The following DENND2C variants were observed in gnomAD, a reference collection of about 807,000 sequenced individuals.
DENND2C encodes DENN domain containing 2C.
Under a neutral mutation model 112.4 loss-of-function variants are expected in DENND2C, and 72 were observed. The observed-to-expected ratio is 0.64, with a 90% CI of 0.53 to 0.78. DENND2C has a LOEUF of 0.78. DENND2C is among the 30% of genes least tolerant of loss of function. The pLI, the probability that DENND2C is intolerant of heterozygous loss-of-function variation, is 0.00. For missense variants in DENND2C, 992 were observed against 1,113.8 expected (o/e 0.89, Z 1.56); for synonymous variants, 329 against 381.6 (o/e 0.86, Z 1.61).
rs376476409 is a variant in DENND2C, at chr1:114,656,143, C to T, written c.-573-1382G>A. Among the ~76,000 whole-genome samples, 36 of 151,900 alleles carry T rather than the reference C, an allele frequency of 2.4e-4. 1 individual carries two copies. The South Asian group carries it at 7.3e-3, about 31-fold the overall frequency. On this transcript the variant is annotated intron_variant, in intron 1 of 20. Coordinates refer to ENST00000393274, the MANE Select transcript of DENND2C (RefSeq NM_001256404.2). ...AGTGCAATGGTACAATCACGGCTCACTGCCAACTCAACCACCTGGGCTTAA... is the reference window on the plus strand; with the variant it reads ...AGTGCAATGGTACAATCACGGCTCATTGCCAACTCAACCACCTGGGCTTAA...
rs779039003 is a variant in DENND2C at position 114,604,941 on chromosome 1, G to A, written c.1648C>T (p.Pro550Ser). ...FCFPDSKDWMPTSELKSETFS... is the reference protein window; with the variant it reads ...FCFPDSKDWMSTSELKSETFS... ...ATTTACCTCTTGAGTTCTGAGGTTG[G>A]CATCCAGTCCTTTGAATCAGGAAAA... Residue 550 changes from proline to serine, a missense_variant, in exon 11 of 21, where the codon CCA becomes TCA. By Grantham distance (74) the Pro-to-Ser change is moderately conservative. Around this residue, in one of 3 missense-constraint regions of DENND2C, gnomAD observed 516 missense variants for 623.6 expected, o/e 0.83. Coordinates refer to ENST00000393274, the MANE Select transcript of DENND2C (RefSeq NM_001256404.2). The A allele has an allele frequency of 3.1e-6, 5 of 1,612,942 alleles. No individual in the cohort carries two copies. Among genetic ancestry groups the A allele is most frequent in the Non-Finnish European group, 4.2e-6 (5 of 1,179,396 alleles).
In DENND2C at chr1:114,625,344, C is replaced by T. The variant is rs372971179; in HGVS notation, c.641G>A (p.Arg214His). ...GPSINPLPKP[R>H]RTFRYLSESG... ...TTCGGATAAATATCTGAATGTCCTACGAGGTTTTGGCAAAGGATTTATGGA... is the reference window on the plus strand; with the variant it reads ...TTCGGATAAATATCTGAATGTCCTATGAGGTTTTGGCAAAGGATTTATGGA... Residue 214 changes from arginine (R) to histidine (H), a missense_variant, in exon 4 of 21, where the codon CGT (arginine) becomes CAT (histidine). Arg to His is a conservative substitution (Grantham distance 29). Transcript: ENST00000393274. 2.2e-5 allele frequency: 35 copies of T among 1,614,010 alleles called. No individual in the cohort carries two copies. The highest frequency in any genetic ancestry group is 1.9e-4 in the African/African-American group (14 of 74,932).
rs751410328 is a variant in DENND2C at position 114,618,458 on chromosome 1, A to G, written c.1252T>C (p.Phe418Leu). The change falls in exon 8 of 21, where the codon TTT becomes CTT. Residue 418 changes from phenylalanine (F) to leucine (L), a missense_variant. Physicochemically the swap from Phe to Leu is conservative, Grantham distance 22. This residue lies in a region of DENND2C where 516 missense variants were observed against 623.6 expected (regional missense o/e 0.83). Transcript: ENST00000393274. ...TTCTTCTTCCCTCTTTTAGATTCAA[A>G]TATGTCATCTATTTTCAATACAAGC... ...PRLVLKIDDI[F>L]ESKRGKKKVK... 1 of 1,590,506 alleles carries G rather than the reference A, an allele frequency of 6.3e-7. No individual in the cohort carries two copies. The highest frequency in any genetic ancestry group is 1.4e-5 in the African/African-American group (1 of 73,790).
chr1:114,632,559 A>G lies in DENND2C; in HGVS notation c.-204-6371T>C, dbSNP rs556636152. ...GAAATAAAAATGCTTTCAGTTAAAC[A>G]TAAGCTGTAAAAATTTGTCAACAGC... On this transcript the variant is annotated intron_variant, in intron 3 of 20. Transcript: ENST00000393274. 4.6e-5 allele frequency among the ~76,000 whole-genome samples: 7 copies of G among 152,360 alleles called. No individual in the cohort carries two copies. The South Asian group carries it at 1.4e-3, about 32-fold the overall frequency.
intron 3 of DENND2C, among the ~76,000 whole-genome samples, chr1:114,639,313 G>A (rs1218340694): frequency 1.3e-5 from 2 of 152,140 alleles, no homozygotes; most frequent in Non-Finnish European, 2.9e-5. Context: ...AGGCGCGGTG[G>A]CTCATGCTTG....
intron 5 of DENND2C, 72 bp downstream of exon 5, chr1:114,623,435 T>C: frequency 6.9e-7 from 1 of 1,455,982 alleles, no homozygotes. Context: ...TAGAAGAAAA[T>C]ACCATCCTAC....
chr1:114,639,237 C>T (rs1282989621), intron 3 of DENND2C, among the ~76,000 whole-genome samples: 1 of 152,146 alleles, frequency 6.6e-6, no homozygotes, highest in African/African-American at 2.4e-5. Context: ...CATGGTGCAA[C>T]CCCTTTGGAA....
At chr1:114,603,405 G>A (rs1231956558) in intron 11 of DENND2C, among the ~76,000 whole-genome samples, 1 of 152,106 alleles carries the variant, frequency 6.6e-6, no homozygotes, top group African/African-American at 2.4e-5. Flanking sequence ...TGGGATTACA[G>A]GCGTGAGCCA....
intron 17 of DENND2C, chr1:114,595,385 CAGG>C (rs1374384313): frequency 6.6e-6 from 1 of 151,856 alleles, no homozygotes; most frequent in Non-Finnish European, 1.4e-5. Flanking sequence ...GAGGCTGAGG[CAGG>C]AGAATGGCGT....
chr1:114,632,741 T>C (rs1656530137), intron 3 of DENND2C, among the ~76,000 whole-genome samples: 1 of 152,182 alleles, frequency 6.6e-6, no homozygotes, highest in Admixed American at 6.5e-5. Context: ...GGGGTTTTTT[T>C]TAAATTTTCT....
intron 3 of DENND2C, among the ~76,000 whole-genome samples, chr1:114,632,187 C>T (rs984655182): frequency 2.0e-5 from 3 of 152,016 alleles, no homozygotes; most frequent in African/African-American, 4.8e-5. Context: ...TTTGCTTTAC[C>T]CTACATATAA....
At chr1:114,633,570 T>TAA (rs1656560531) in intron 3 of DENND2C, among the ~76,000 whole-genome samples, 1 of 151,736 alleles carries the variant, frequency 6.6e-6, no homozygotes, top group East Asian at 1.9e-4. Flanking sequence ...AGTGATGTGT[T>TAA]AAAGTTGTGT....
intron 1 of DENND2C, among the ~76,000 whole-genome samples, chr1:114,663,717 C>G (rs1017222402): frequency 2.0e-5 from 3 of 152,012 alleles, no homozygotes; most frequent in African/African-American, 7.2e-5. Flanking sequence ...ATAAGTATAA[C>G]ATTTTGTGAT....
intron 7 of DENND2C, among the ~76,000 whole-genome samples, chr1:114,619,082 T>C (rs2101661602): frequency 6.6e-6 from 1 of 152,296 alleles, no homozygotes; most frequent in South Asian, 2.1e-4. Flanking sequence ...GCAAGTAAAA[T>C]CCAGACTATT....
intron 3 of DENND2C, among the ~76,000 whole-genome samples, chr1:114,628,949 T>C (rs1375887931): frequency 1.3e-5 from 2 of 152,252 alleles, no homozygotes; most frequent in Non-Finnish European, 2.9e-5. Flanking sequence ...CCAAGATTTA[T>C]CTTTTGAAAA....
chr1:114,590,501 G>A (rs560436129), intron 18 of DENND2C, among the ~76,000 whole-genome samples: 6 of 152,156 alleles, frequency 3.9e-5, no homozygotes, highest in South Asian at 2.1e-4. Context: ...GAACTTGGCC[G>A]GGCGCGGTGG....
Position 114,601,594 on chromosome 1 carries a change from TAAAAAC to T in DENND2C, c.1738-15_1738-10del, listed in dbSNP as rs1655506279. The T allele has an allele frequency of 5.6e-6, 9 of 1,609,188 alleles. No individual in the cohort carries two copies. The highest frequency in any genetic ancestry group is 6.8e-6 in the Non-Finnish European group (8 of 1,178,030). ...TTTCCTTTGCCTACTGGCTAAAAGA[TAAAAAC>T]AACAACAACAAAAAAATCAAGCCGC... On this transcript the variant is annotated splice_polypyrimidine_tract_variant and intron_variant, in intron 12 of 20. Coordinates refer to ENST00000393274, the MANE Select transcript of DENND2C (RefSeq NM_001256404.2).
intron 6 of DENND2C, among the ~76,000 whole-genome samples, 162 bp downstream of exon 6, chr1:114,622,825 G>C (rs1435478350): frequency 6.8e-6 from 1 of 148,140 alleles, no homozygotes; most frequent in Non-Finnish European, 1.5e-5. Context: ...AAAGCTGTAT[G>C]TTATCCCAAA....
chr1:114,595,604 A>C (rs950537045), intron 17 of DENND2C: 11 of 449,092 alleles, frequency 2.4e-5, no homozygotes, highest in African/African-American at 2.2e-4. Flanking sequence ...TTTGAGAATG[A>C]GACATTTATG....
Sources: allele counts gnomAD v4.1 joint callset (sites outside exome capture counted in the v4.1 genomes callset), GRCh38; gene constraint gnomAD v4.1.1; regional missense constraint gnomAD v4.1.1; transcripts MANE v1.5; gene names NCBI Gene and HGNC (gene_info 2026-07-23, HGNC 2026-07-21).